MRPL9: variants seen among roughly 807,000 people sequenced by gnomAD.
MRPL9 encodes large ribosomal subunit protein bL9m.
In MRPL9, 25 loss-of-function variants were observed where a neutral mutation model predicts 27.6. That is an observed-to-expected ratio of 0.91 (90% confidence interval 0.66 to 1.27). The LOEUF (loss-of-function observed/expected upper bound fraction) is 1.27, where lower values mean the gene tolerates loss of function less well. Ranked by LOEUF, MRPL9 falls within the 50% of genes most tolerant of loss-of-function variation. MRPL9 has a pLI of 0.00. For missense variants in MRPL9, 362 were observed against 338.0 expected, an observed-to-expected ratio of 1.07 and a Z score of -0.56; for synonymous variants, 154 against 139.0, an observed-to-expected ratio of 1.11 and a Z score of -0.76.
intron 4 of MRPL9, chr1:151,761,833 A>G: frequency 1.7e-6 from 1 of 589,284 alleles, no homozygotes. Context: ...TTGTACGTAA[A>G]TATCCTTGAA....
chr1:151,763,452 C>T lies in MRPL9; in HGVS notation c.28G>A (p.Gly10Ser). 1 of 1,573,874 alleles carries T rather than the reference C, an allele frequency of 6.4e-7. No homozygotes were observed. The highest frequency in any genetic ancestry group is 8.6e-7 in the Non-Finnish European group (1 of 1,160,104). Residue 10 changes from glycine (G) to serine (S), a missense_variant, in exon 1 of 7, where the codon GGC becomes AGC. Coordinates refer to ENST00000368830, the MANE Select transcript of MRPL9 (RefSeq NM_031420.4). MAAPVVTAP[G>S]RALLRAGAGR... ...GCGCCCGCCCGCAGCAGAGCTCTGC[C>T]CGGGGCCGTGACAACGGGCGCCGCC...
chr1:151,760,449 T>G (rs530878973), intron 6 of MRPL9, among the ~76,000 whole-genome samples: 1 of 151,994 alleles, frequency 6.6e-6, no homozygotes. Context: ...CGGTGGCGTG[T>G]GCCTGTAATC....
intron 2 of MRPL9, chr1:151,762,708 A>T (rs1648155540): frequency 9.2e-6 from 6 of 654,388 alleles, no homozygotes; most frequent in Non-Finnish European, 1.5e-5. Flanking sequence ...CCCTGTATAG[A>T]GGGAGTTGTC....
chr1:151,763,367 G>A lies in MRPL9; in HGVS notation c.113C>T (p.Ala38Val), dbSNP rs749164151. 2 of 1,576,144 alleles carry A rather than the reference G, an allele frequency of 1.3e-6. No individual in the cohort carries two copies. Among genetic ancestry groups the A allele is most frequent in the South Asian group, 2.3e-5 (2 of 86,508 alleles). ...GCTGAAGTTGCAGGCCAGGTCAGGG[G>A]CGTTCCCTTCATGTCGCGGCCGCAG... The part of the protein sequence containing the change: ...ELLRPRHEGN[A>V]PDLACNFSLS... Residue 38 changes from alanine to valine, a missense_variant, in exon 1 of 7, where the codon GCC becomes GTC. By Grantham distance (64) the Ala-to-Val change is moderately conservative. Transcript: ENST00000368830.
rs746575859 is a variant in MRPL9, at chr1:151,763,460, G to T, written c.20C>A (p.Thr7Lys). 4.4e-6 allele frequency: 7 copies of T among 1,574,472 alleles called. No individual in the cohort carries two copies. Among genetic ancestry groups the T allele is most frequent in the Non-Finnish European group, 5.2e-6 (6 of 1,160,642 alleles). Residue 7 changes from threonine (T) to lysine (K), a missense_variant, in exon 1 of 7, where the codon ACG becomes AAG. Thr to Lys is a moderately conservative substitution (Grantham distance 78). Coordinates refer to ENST00000368830, the MANE Select transcript of MRPL9 (RefSeq NM_031420.4). ...CCGCAGCAGAGCTCTGCCCGGGGCC[G>T]TGACAACGGGCGCCGCCATGTTCAC... MAAPVV[T>K]APGRALLRAG...
In MRPL9 at chr1:151,759,813, T is replaced by A; in HGVS notation, c.*237A>T. On this transcript the variant is annotated 3_prime_UTR_variant, in exon 7 of 7. Coordinates refer to ENST00000368830, the MANE Select transcript of MRPL9 (RefSeq NM_031420.4). ...TTTTGGATGGTTTCGGTCTACTGCA[T>A]CTAGCTTATCAAATCTACAGCCTGG... 1 of 479,572 alleles carries A rather than the reference T, an allele frequency of 2.1e-6. No homozygotes were observed. Among genetic ancestry groups the A allele is most frequent in the East Asian group, 4.0e-5 (1 of 25,036 alleles). 29.7% of individuals were successfully genotyped at this position (479,572 alleles called of 1,614,324 possible). A position where few individuals can be genotyped will look rare whatever the true frequency, so the allele number is the denominator to read the frequency against.
rs149543829 is a variant in MRPL9 at position 151,763,029 on chromosome 1, T to C, written c.271A>G (p.Lys91Glu). Residue 91 changes from lysine to glutamate, a missense_variant, in exon 2 of 7, where the codon AAA (lysine) becomes GAA (glutamate). Physicochemically the swap from Lys to Glu is moderately conservative, Grantham distance 56. Coordinates refer to ENST00000368830, the MANE Select transcript of MRPL9 (RefSeq NM_031420.4). The part of the protein sequence containing the change: ...KLVEDTKHRP[K>E]ENLELILTQS... The stretch of plus-strand genomic sequence containing the variant: ...GTCAGGATGAGCTCCAGGTTTTCTT[T>C]GGGCCGATGCTTCGTGTCCTCCACC... The C allele has an allele frequency of 3.2e-5, 51 of 1,614,222 alleles. No individual in the cohort carries two copies. The African/African-American group carries it at 5.2e-4, about 16-fold the overall frequency.
chr1:151,760,397 G>A (rs1648008677), intron 6 of MRPL9, among the ~76,000 whole-genome samples: 1 of 151,784 alleles, frequency 6.6e-6, no homozygotes, highest in East Asian at 1.9e-4. Flanking sequence ...GGCCAACATG[G>A]GGAAACCCTG....
At chr1:151,761,404 C>T in intron 5 of MRPL9, 47 bp downstream of exon 5, 1 of 1,346,820 alleles carries the variant, frequency 7.4e-7, no homozygotes, top group East Asian at 2.3e-5. Context: ...TTTCCAGAGG[C>T]AGCTTCCACC....
intron 5 of MRPL9, 41 bp downstream of exon 5, chr1:151,761,410 C>A: frequency 7.0e-7 from 1 of 1,431,800 alleles, no homozygotes; most frequent in Non-Finnish European, 9.9e-7. Context: ...GAGGCAGCTT[C>A]CACCTCAGGG....
chr1:151,759,915 G>T lies in MRPL9; in HGVS notation c.*135C>A. On this transcript the variant is annotated 3_prime_UTR_variant, in exon 7 of 7. Coordinates refer to ENST00000368830, the MANE Select transcript of MRPL9 (RefSeq NM_031420.4). ...AAAATGAAGAATTCAACATGTATAC[G>T]CAGTGCAGTCTGATGTCTTCAGATG... 2 of 1,142,318 alleles carry T rather than the reference G, an allele frequency of 1.8e-6. No homozygotes were observed. Among genetic ancestry groups the T allele is most frequent in the Non-Finnish European group, 2.4e-6 (2 of 823,868 alleles). The allele number at this position is 1,142,318 out of a possible 1,614,324, so 70.8% of individuals were successfully genotyped here.
chr1:151,761,970 TG>T, intron 4 of MRPL9, 134 bp downstream of exon 4: 2 of 854,888 alleles, frequency 2.3e-6, no homozygotes, highest in Non-Finnish European at 3.8e-6. Flanking sequence ...ACCTGTTTTG[TG>T]GGGCAGCCAC....
intron 5 of MRPL9, 27 bp from the exon 6 acceptor site, chr1:151,760,926 A>AAAAAAAAAAAAAAAAAAAAAC: frequency 7.0e-7 from 1 of 1,419,298 alleles, no homozygotes; most frequent in Admixed American, 2.2e-5. Flanking sequence ...AAAAAAAAAA[A>AAAAAAAAAAAAAAAAAAAAAC]TCTCAGCTCA....
Position 151,762,378 on chromosome 1 carries a change from A to C in MRPL9, c.433T>G (p.Leu145Val). The C allele has an allele frequency of 6.2e-7, 1 of 1,614,100 alleles. No homozygotes were observed. The highest frequency in any genetic ancestry group is 8.5e-7 in the Non-Finnish European group (1 of 1,180,008). ...CTCTGTCCTTCCTTTGAGCTCACCA[A>C]TTTCTCCTCTTCAAACAGCTTCTTG... ...ENKKLFEEEK[L>V]LRQEGKLEKI... is the part of the protein sequence containing the mutation. Residue 145 changes from leucine (L) to valine (V), a missense_variant and splice_region_variant, in exon 3 of 7, where the codon TTG becomes GTG. Transcript: ENST00000368830.
chr1:151,759,725 G>A lies in MRPL9; in HGVS notation c.*325C>T, dbSNP rs1647975321. 8.4e-6 allele frequency: 2 copies of A among 237,138 alleles called. No homozygotes were observed. The highest frequency in any genetic ancestry group is 4.6e-5 in the African/African-American group (2 of 43,572). 14.7% of individuals were successfully genotyped at this position (237,138 alleles called of 1,614,324 possible). ...GATGATGAGAATGAGGCAAGTACTG[G>A]AGACAATGGCTGGCTCTCCTGTTTG... is the stretch of plus-strand genomic sequence containing the variant. On this transcript the variant is annotated 3_prime_UTR_variant, in exon 7 of 7. Transcript: ENST00000368830.
At position 151,760,903 on chromosome 1, in the gene MRPL9, C is replaced by CAAAAAAAAAAAAAAAAA. The variant is rs755031728; in HGVS notation, c.589-21_589-5dup. On this transcript the variant is annotated splice_polypyrimidine_tract_variant and splice_region_variant and intron_variant, in intron 5 of 6. Transcript: ENST00000368830. Reference sequence around the variant, plus strand: ...GTGGGGCAACCACAACACCAAGCTGCAAAAAAAAAAAAAAAAAAAAAAATC... The same window carrying CAAAAAAAAAAAAAAAAA: ...GTGGGGCAACCACAACACCAAGCTGCAAAAAAAAAAAAAAAAAAAAAAAAAAAAAAAAAAAAAAAATC... 1,608 of 951,852 alleles carry CAAAAAAAAAAAAAAAAA rather than the reference C, an allele frequency of 1.7e-3. 15 individuals are homozygous for CAAAAAAAAAAAAAAAAA. Among genetic ancestry groups the CAAAAAAAAAAAAAAAAA allele is most frequent in the Middle Eastern group, 2.9e-3 (8 of 2,776 alleles). 59.0% of individuals were successfully genotyped at this position (951,852 alleles called of 1,614,324 possible).
chr1:151,761,277 T>G (rs750558007), intron 5 of MRPL9, among the ~76,000 whole-genome samples, 174 bp downstream of exon 5: 5 of 152,220 alleles, frequency 3.3e-5, no homozygotes, highest in African/African-American at 7.2e-5. Flanking sequence ...TATGTGACCA[T>G]CCTTAGTCCT....
At chr1:151,762,348 A>C (rs754855036) in intron 3 of MRPL9, 28 bp downstream of exon 3, 8 of 1,613,702 alleles carry the variant, frequency 5.0e-6, no homozygotes, top group Non-Finnish European at 6.8e-6. Flanking sequence ...TATCTCCCCA[A>C]GTCTCTCTGT....
At chr1:151,760,779 G>C (rs139923281) in intron 6 of MRPL9, 37 bp downstream of exon 6, 8 of 1,518,722 alleles carry the variant, frequency 5.3e-6, no homozygotes, top group South Asian at 2.4e-5. Context: ...GGGAAAAGGA[G>C]AAAGAAAAGA....
Sources: gnomAD v4.1 joint callset for allele counts (sites outside exome capture counted in the v4.1 genomes callset) on GRCh38, gnomAD v4.1.1 for gene constraint, MANE v1.5 for transcripts, NCBI Gene and HGNC (gene_info 2026-07-23, HGNC 2026-07-21) for gene names.